The following TCF7L1 variants were observed in gnomAD, a reference collection of about 807,000 sequenced individuals.
TCF7L1 encodes the protein transcription factor 7-like 1.
TCF7L1 carries 18 observed loss-of-function variants against 63.7 expected under a neutral mutation model. The observed-to-expected ratio is 0.28, with a 90% CI of 0.20 to 0.42. The LOEUF is 0.42. TCF7L1 is among the 10% of genes least tolerant of loss of function. TCF7L1 has a pLI of 1.00. For missense variants in TCF7L1, 654 were observed against 779.3 expected (o/e 0.84, Z 1.91); for synonymous variants, 355 against 340.9 (o/e 1.04, Z -0.46).
At chr2:85,228,770 C>G (rs566044455) in intron 3 of TCF7L1, among the ~76,000 whole-genome samples, 2 of 151,696 alleles carry the variant, frequency 1.3e-5, no homozygotes, top group African/African-American at 4.8e-5. Context: ...AATCCCAGCA[C>G]TTTGGGAGGC....
chr2:85,175,457 G>A (rs572214902), intron 3 of TCF7L1, among the ~76,000 whole-genome samples: 45 of 152,330 alleles, frequency 3.0e-4, no homozygotes, highest in African/African-American at 9.9e-4. Context: ...ATGCAGTGGG[G>A]AGCCACGGGG....
intron 3 of TCF7L1, among the ~76,000 whole-genome samples, chr2:85,261,131 T>G (rs796505836): frequency 0.019 from 1,993 of 105,736 alleles, 20 homozygotes; most frequent in Non-Finnish European, 0.026. Flanking sequence ...CTGGTGTGTG[T>G]GTGTGTGTGT....
intron 4 of TCF7L1, among the ~76,000 whole-genome samples, chr2:85,287,601 G>T (rs1389102656): frequency 6.6e-6 from 1 of 152,172 alleles, no homozygotes. Context: ...AACATGGATA[G>T]TTTTCTAGTA....
At chr2:85,138,893 C>T (rs909365518) in intron 3 of TCF7L1, among the ~76,000 whole-genome samples, 2 of 152,056 alleles carry the variant, frequency 1.3e-5, no homozygotes, top group African/African-American at 2.4e-5. Context: ...ATGATTAACT[C>T]GCTGGAAAAT....
In TCF7L1 at chr2:85,134,536, G is replaced by A; in HGVS notation, c.441+86G>A. 6.7e-7 allele frequency: 1 copy of A among 1,499,100 alleles called. No individual in the cohort carries two copies. The highest frequency in any genetic ancestry group is 8.9e-7 in the Non-Finnish European group (1 of 1,122,394). The allele number at this position is 1,499,100 out of a possible 1,614,324, so 92.9% of individuals were successfully genotyped here. A position where few individuals can be genotyped will look rare whatever the true frequency, so the allele number is the denominator to read the frequency against. ...CGGGCTTGGCCATGGAGTGGGGGAT[G>A]GGGCCTTCTGCGCCGATCCCAAGCA... On this transcript the variant is annotated intron_variant, in intron 3 of 11. Coordinates refer to ENST00000282111, the MANE Select transcript of TCF7L1 (RefSeq NM_031283.3). This position sits in a 1 kb window ranked among gnomAD's most constrained non-coding sequence, Gnocchi z 5.0.
At chr2:85,167,726 T>C (rs574956786) in intron 3 of TCF7L1, among the ~76,000 whole-genome samples, 5 of 152,204 alleles carry the variant, frequency 3.3e-5, no homozygotes, top group African/African-American at 1.2e-4. Context: ...AAGCTGAGCA[T>C]GGTGGCACAT....
chr2:85,192,942 G>A (rs1572985466), intron 3 of TCF7L1, among the ~76,000 whole-genome samples: 1 of 152,054 alleles, frequency 6.6e-6, no homozygotes, highest in Non-Finnish European at 1.5e-5. Context: ...TCCCACCTCA[G>A]CCTCATAAAG....
intron 3 of TCF7L1, among the ~76,000 whole-genome samples, chr2:85,215,767 T>TGGGGGGGGGGGG (rs1380022989): frequency 3.9e-4 from 6 of 15,280 alleles, no homozygotes; most frequent in Non-Finnish European, 2.8e-4. Flanking sequence ...GGGGTGGGGG[T>TGGGGGGGGGGGG]GGGGGGGGGT....
intron 3 of TCF7L1, among the ~76,000 whole-genome samples, chr2:85,210,877 G>A (rs72840148): frequency 0.046 from 6,950 of 152,272 alleles, 175 homozygotes; most frequent in Middle Eastern, 0.054. Context: ...AAAATGAAGT[G>A]TGGAGAATCG....
intron 3 of TCF7L1, chr2:85,217,271 A>G (rs1371805890): frequency 2.0e-5 from 3 of 152,228 alleles, no homozygotes; most frequent in Non-Finnish European, 2.9e-5. Flanking sequence ...GGTAGATAAG[A>G]TTGAAGCAAA....
intron 3 of TCF7L1, among the ~76,000 whole-genome samples, chr2:85,156,605 A>G (rs750473428): frequency 6.6e-6 from 1 of 152,232 alleles, no homozygotes; most frequent in African/African-American, 2.4e-5. Flanking sequence ...ACCGTTTTAC[A>G]GATGTAAAGA....
At chr2:85,303,740 C>A (rs925178702) in intron 5 of TCF7L1, 155 bp from the exon 6 acceptor site, 26 of 572,252 alleles carry the variant, frequency 4.5e-5, no homozygotes, top group Non-Finnish European at 7.2e-5. Context: ...CTGGTGAGAG[C>A]TGCTAGGGAG....
Position 85,309,658 on chromosome 2 carries a change from AAAC to A in TCF7L1, c.*202_*204del, listed in dbSNP as rs1682228904. 2.0e-6 allele frequency: 1 copy of A among 489,398 alleles called. No homozygotes were observed. The highest frequency in any genetic ancestry group is 3.4e-6 in the Non-Finnish European group (1 of 292,440). 30.3% of individuals were successfully genotyped at this position (489,398 alleles called of 1,614,324 possible). A position where few individuals can be genotyped will look rare whatever the true frequency, so the allele number is the denominator to read the frequency against. On this transcript the variant is annotated 3_prime_UTR_variant, in exon 12 of 12. Coordinates refer to ENST00000282111, the MANE Select transcript of TCF7L1 (RefSeq NM_031283.3). ...TAAGGCTTTTTTAAAAAACAAAACA[AAAC>A]AACAAAAAAAAATCTTTATAAGAAA... is the stretch of plus-strand genomic sequence containing the variant.
chr2:85,276,708 C>T (rs1446973686), intron 3 of TCF7L1, among the ~76,000 whole-genome samples: 3 of 152,186 alleles, frequency 2.0e-5, no homozygotes, highest in African/African-American at 2.4e-5. Context: ...CCTAAGCTCA[C>T]GGCATTAATA....
intron 3 of TCF7L1, among the ~76,000 whole-genome samples, chr2:85,182,987 G>C (rs1348472050): frequency 6.6e-6 from 1 of 152,198 alleles, no homozygotes; most frequent in African/African-American, 2.4e-5. Context: ...CCCCGCTCTA[G>C]GGCTTCGTGG....
chr2:85,285,153 A>G (rs1013873659), intron 4 of TCF7L1, among the ~76,000 whole-genome samples: 5 of 152,128 alleles, frequency 3.3e-5, no homozygotes, highest in African/African-American at 1.2e-4. Flanking sequence ...GAATGGTGTG[A>G]ACCCCGGAGG....
At position 85,200,148 on chromosome 2, in the gene TCF7L1, T is replaced by C. The variant is rs188885969; in HGVS notation, c.441+65698T>C. Among the ~76,000 whole-genome samples, 9 of 152,338 alleles carry C rather than the reference T, an allele frequency of 5.9e-5. No homozygotes were observed. In the South Asian group the frequency reaches 1.7e-3, roughly 28 times the overall value. On this transcript the variant is annotated intron_variant, in intron 3 of 11. Coordinates refer to ENST00000282111, the MANE Select transcript of TCF7L1 (RefSeq NM_031283.3). ...ATCCCACATTTTGTTTGTCGATTCA[T>C]CCATTGGTGGACGTTGGGGTTGTTT... is the stretch of plus-strand genomic sequence containing the variant.
In TCF7L1 at chr2:85,221,609, C is replaced by T. The variant is rs530816604; in HGVS notation, c.442-61886C>T. ...AGACGGCAGAATGGGGGATGGGGGGCAAACTCATACTTTAATCAGGAACCC... is the reference window on the plus strand; with the variant it reads ...AGACGGCAGAATGGGGGATGGGGGGTAAACTCATACTTTAATCAGGAACCC... On this transcript the variant is annotated intron_variant, in intron 3 of 11. Coordinates refer to ENST00000282111, the MANE Select transcript of TCF7L1 (RefSeq NM_031283.3). Among the ~76,000 whole-genome samples the T allele has an allele frequency of 2.6e-3, 396 of 152,150 alleles. 2 individuals are homozygous for T. Among genetic ancestry groups the T allele is most frequent in the Admixed American group, 3.1e-3 (47 of 15,280 alleles).
At chr2:85,265,768 T>G (rs1186246886) in intron 3 of TCF7L1, among the ~76,000 whole-genome samples, 1 of 148,990 alleles carries the variant, frequency 6.7e-6, no homozygotes, top group African/African-American at 2.5e-5. Context: ...TTTACTGGGT[T>G]TTTTTTTTTT....
Sources: gnomAD v4.1 joint callset for allele counts (sites outside exome capture counted in the v4.1 genomes callset) on GRCh38, gnomAD v4.1.1 for gene constraint, Gnocchi (gnomAD v3.1) non-coding constraint, MANE v1.5 for transcripts, NCBI Gene and HGNC (gene_info 2026-07-23, HGNC 2026-07-21) for gene names.